ADK: variants seen among roughly 807,000 people sequenced by gnomAD.
The protein encoded by ADK is N6,N6-dimethyladenosine kinase.
Under a neutral mutation model 44.7 loss-of-function variants are expected in ADK, and 24 were observed. The observed-to-expected ratio is 0.54, with a 90% CI of 0.39 to 0.76. ADK has a LOEUF of 0.76. Ranked by LOEUF, ADK falls within the 30% of genes least tolerant of loss-of-function variation. The pLI, the probability that ADK is intolerant of heterozygous loss-of-function variation, is 0.00. For synonymous variants in ADK, 128 were observed against 142.6 expected (o/e 0.90, Z 0.73); for missense variants, 321 against 425.1 (o/e 0.76, Z 2.15).
In ADK at chr10:74,356,012, T is replaced by TGG. The variant is rs1266981597; in HGVS notation, c.274-38129_274-38128insGG. Among the ~76,000 whole-genome samples, 79 of 131,050 alleles carry TGG rather than the reference T, an allele frequency of 6.0e-4. 7 individuals are homozygous for TGG. Among genetic ancestry groups the TGG allele is most frequent in the Non-Finnish European group, 9.8e-4 (60 of 61,372 alleles). 86.0% of individuals were successfully genotyped at this position (131,050 alleles called of 152,430 possible). ...TTCACTAAATAATTCATTTTTTTTT[T>TGG]TTTTTTTTTTTTTTTTTGAGACGGA... is the stretch of plus-strand genomic sequence containing the variant. On this transcript the variant is annotated intron_variant, in intron 4 of 10. Coordinates refer to ENST00000539909, the MANE Select transcript of ADK (RefSeq NM_006721.4).
At chr10:74,519,071 T>C (rs1445602453) in intron 6 of ADK, among the ~76,000 whole-genome samples, 1 of 151,952 alleles carries the variant, frequency 6.6e-6, no homozygotes, top group Non-Finnish European at 1.5e-5. Context: ...AATAATGGAT[T>C]TTATTTAATC....
At chr10:74,699,483 G>T (rs1283606073) in intron 10 of ADK, among the ~76,000 whole-genome samples, 1 of 152,094 alleles carries the variant, frequency 6.6e-6, no homozygotes, top group East Asian at 1.9e-4. Context: ...TTCAAGACCA[G>T]CCTGGCCAAC....
intron 6 of ADK, among the ~76,000 whole-genome samples, chr10:74,463,315 C>T (rs1439875030): frequency 6.6e-6 from 1 of 152,090 alleles, no homozygotes; most frequent in Non-Finnish European, 1.5e-5. Context: ...TTATACAACT[C>T]ACCATAATGT....
At chr10:74,707,992 A>G (rs1296310707) in intron 10 of ADK, among the ~76,000 whole-genome samples, 2 of 151,816 alleles carry the variant, frequency 1.3e-5, no homozygotes, top group African/African-American at 4.8e-5. Flanking sequence ...CTCTACTGAA[A>G]CTACAAGAAT....
chr10:74,293,310 A>T (rs1839694940), intron 3 of ADK, among the ~76,000 whole-genome samples: 1 of 152,198 alleles, frequency 6.6e-6, no homozygotes, highest in South Asian at 2.1e-4. Flanking sequence ...TGTTTAAAAA[A>T]GCCACAAATT....
At chr10:74,202,462 T>C (rs1181761243) in intron 2 of ADK, among the ~76,000 whole-genome samples, 1 of 152,206 alleles carries the variant, frequency 6.6e-6, no homozygotes, top group East Asian at 1.9e-4. Flanking sequence ...TGTTTTCATT[T>C]CTCTTGGGTA....
In ADK at chr10:74,396,959, GA is replaced by G. The variant is rs79415702; in HGVS notation, c.447-1498del. ...GGCAACAAGAACGAAACTTCATCTGGAAAAAAAAAAAAAAGAATACTTTTAT... is the reference window on the plus strand; with the variant it reads ...GGCAACAAGAACGAAACTTCATCTGGAAAAAAAAAAAAAGAATACTTTTAT... On this transcript the variant is annotated intron_variant, in intron 5 of 10. Coordinates refer to ENST00000539909, the MANE Select transcript of ADK (RefSeq NM_006721.4). Among the ~76,000 whole-genome samples, 586 of 131,734 alleles carry G rather than the reference GA, an allele frequency of 4.4e-3. 4 individuals carry two copies. Among genetic ancestry groups the G allele is most frequent in the African/African-American group, 0.01 (366 of 35,892 alleles). 86.4% of individuals were successfully genotyped at this position (131,734 alleles called of 152,430 possible).
intron 7 of ADK, among the ~76,000 whole-genome samples, chr10:74,566,201 CT>C (rs772254919): frequency 2.0e-3 from 226 of 114,000 alleles, no homozygotes; most frequent in Middle Eastern, 7.4e-3. Context: ...CTCTCTCTCT[CT>C]TTTTTTTTTT....
chr10:74,578,329 A>G (rs768736650), intron 7 of ADK, among the ~76,000 whole-genome samples: 8 of 152,142 alleles, frequency 5.3e-5, no homozygotes, highest in Non-Finnish European at 1.2e-4. Context: ...TTTTATTAAT[A>G]TAAGTTATTT....
intron 3 of ADK, among the ~76,000 whole-genome samples, chr10:74,298,944 C>T (rs1036012475): frequency 6.6e-6 from 1 of 151,894 alleles, no homozygotes; most frequent in Admixed American, 6.6e-5. Context: ...GAATTGAGGA[C>T]ATTGGGTGTA....
At chr10:74,449,412 T>C (rs1252607576) in intron 6 of ADK, among the ~76,000 whole-genome samples, 1 of 152,190 alleles carries the variant, frequency 6.6e-6, no homozygotes, top group Non-Finnish European at 1.5e-5. Context: ...GGAATTTGAT[T>C]GAATAACTAG....
At chr10:74,302,918 A>C (rs1840109822) in intron 3 of ADK, among the ~76,000 whole-genome samples, 1 of 152,158 alleles carries the variant, frequency 6.6e-6, no homozygotes, top group Non-Finnish European at 1.5e-5. Flanking sequence ...TTTTATTTTA[A>C]ATTCTGTGGG....
At chr10:74,185,503 A>C (rs1842714009) in intron 1 of ADK, among the ~76,000 whole-genome samples, 1 of 149,610 alleles carries the variant, frequency 6.7e-6, no homozygotes, top group African/African-American at 2.5e-5. Context: ...CACTTTAAAA[A>C]AAAATGCCAA....
intron 6 of ADK, among the ~76,000 whole-genome samples, chr10:74,419,667 T>G (rs1844491911): frequency 6.6e-6 from 1 of 152,190 alleles, no homozygotes; most frequent in East Asian, 1.9e-4. Flanking sequence ...TTGCTACCCT[T>G]GGGCTACCAA....
intron 4 of ADK, among the ~76,000 whole-genome samples, chr10:74,347,951 G>A (rs1183138758): frequency 6.6e-6 from 1 of 152,178 alleles, no homozygotes; most frequent in East Asian, 1.9e-4. Context: ...ATCTCCCTGG[G>A]ACAGAGCACC....
intron 7 of ADK, among the ~76,000 whole-genome samples, chr10:74,542,796 T>C (rs1849683984): frequency 6.6e-6 from 1 of 152,154 alleles, no homozygotes; most frequent in Admixed American, 6.5e-5. Context: ...TAGATCCTCT[T>C]TGAACTTAGC....
intron 7 of ADK, among the ~76,000 whole-genome samples, chr10:74,567,989 G>A (rs1350057243): frequency 2.6e-5 from 4 of 151,990 alleles, no homozygotes; most frequent in African/African-American, 4.8e-5. Flanking sequence ...CTGAGCCACC[G>A]CGCCAGGCCC....
chr10:74,262,805 G>T (rs1846085472), intron 3 of ADK, among the ~76,000 whole-genome samples: 1 of 152,166 alleles, frequency 6.6e-6, no homozygotes, highest in South Asian at 2.1e-4. Context: ...TAGTAATATT[G>T]ACTAACTCAA....
At chr10:74,205,335 C>T (rs1042214474) in intron 2 of ADK, among the ~76,000 whole-genome samples, 1 of 151,948 alleles carries the variant, frequency 6.6e-6, no homozygotes, top group Non-Finnish European at 1.5e-5. Flanking sequence ...TCATTTATTG[C>T]AGAATTAAGT....
Sources: allele counts gnomAD v4.1 joint callset (sites outside exome capture counted in the v4.1 genomes callset), GRCh38; gene constraint gnomAD v4.1.1; transcripts MANE v1.5; gene names NCBI Gene and HGNC (gene_info 2026-07-23, HGNC 2026-07-21).